The following ACOT9 variants were observed in gnomAD, a reference collection of about 807,000 sequenced individuals.
ACOT9 encodes acyl-coenzyme A thioesterase 9, mitochondrial.
In ACOT9, 34 loss-of-function variants were observed where a neutral mutation model predicts 39.7. The ratio of observed to expected loss-of-function variants is 0.86; its 90% CI spans 0.65 to 1.14. ACOT9 has a LOEUF of 1.14. ACOT9 is among the 50% of genes most tolerant of loss of function. The probability of loss-of-function intolerance (pLI) is 0.00; values close to 1 mark genes in which losing one functional copy is unlikely to be tolerated. For synonymous variants in ACOT9, 110 were observed against 120.5 expected, an observed-to-expected ratio of 0.91 and a Z score of 0.57; for missense variants, 313 against 344.1, an observed-to-expected ratio of 0.91 and a Z score of 0.71.
chrX:23,725,567 C>G (rs1373665811), intron 6 of ACOT9, among the ~76,000 whole-genome samples: 1 of 109,699 alleles, frequency 9.1e-6, no homozygotes, highest in African/African-American at 3.3e-5. Context: ...CCTGTAATCC[C>G]AACACTTTGG....
intron 1 of ACOT9, among the ~76,000 whole-genome samples, chrX:23,738,242 G>C (rs546599203): frequency 6.4e-5 from 7 of 109,893 alleles, no homozygotes; most frequent in African/African-American, 2.3e-4. Context: ...TCATTATTTT[G>C]TTTTATGTAT....
intron 1 of ACOT9, among the ~76,000 whole-genome samples, chrX:23,742,375 G>A (rs1210827594): frequency 9.0e-6 from 1 of 110,499 alleles, no homozygotes; most frequent in Middle Eastern, 4.2e-3. Context: ...GCAGGTGTGA[G>A]CCCCCTGGGA....
At chrX:23,718,861 G>A (rs191347845) in intron 8 of ACOT9, among the ~76,000 whole-genome samples, 97 of 85,682 alleles carry the variant, frequency 1.1e-3, no homozygotes, top group South Asian at 0.011. Context: ...AGCCGAGATC[G>A]CACCACTGCA....
intron 9 of ACOT9, among the ~76,000 whole-genome samples, chrX:23,712,048 G>A (rs1209041001): frequency 2.7e-5 from 3 of 111,425 alleles, no homozygotes; most frequent in Admixed American, 9.7e-5. Context: ...CTCTCAACGA[G>A]TGAATAAGAA....
chrX:23,726,712 G>A (rs888446395), intron 6 of ACOT9, among the ~76,000 whole-genome samples: 1 of 108,737 alleles, frequency 9.2e-6, no homozygotes, highest in African/African-American at 3.4e-5. Flanking sequence ...TGTCACCCAG[G>A]CTGGAATGCA....
intron 2 of ACOT9, among the ~76,000 whole-genome samples, chrX:23,734,767 CAT>C: frequency 9.1e-6 from 1 of 109,833 alleles, no homozygotes; most frequent in South Asian, 3.8e-4. Context: ...GTGGGTGAAT[CAT>C]GAGGTCAGGA....
chrX:23,707,944 C>T lies in ACOT9; in HGVS notation c.663G>A (p.Gly221=), dbSNP rs1006186011. The change falls in exon 10 of 16, where the codon GGG becomes GGA. Residue 221 remains glycine, a splice_region_variant and synonymous_variant. Transcript: ENST00000379303. ...GGATGAGTGGATTTACAAATGCCGG[C>T]CTAAAAAGAAGAAAAAAAAGAATAT... is the stretch of plus-strand genomic sequence containing the variant. ...VMVARDSENK[G]PAFVNPLIPE... 2 of 1,194,278 alleles carry T rather than the reference C, an allele frequency of 1.7e-6. No individual in the cohort carries two copies. Among genetic ancestry groups the T allele is most frequent in the Admixed American group, 2.2e-5 (1 of 44,525 alleles).
chrX:23,702,071 T>TCA lies in ACOT9; in HGVS notation c.*1821_*1822dup, dbSNP rs10694335. On this transcript the variant is annotated 3_prime_UTR_variant, in exon 16 of 16. Coordinates refer to ENST00000379303, the MANE Select transcript of ACOT9 (RefSeq NM_001037171.2). ...TGGAGCGACAGAGTGAAACTCTGTC[T>TCA]CACACACACACACACACACAAAAAT... 0.039 allele frequency among the ~76,000 whole-genome samples: 4,086 copies of TCA among 105,299 alleles called. 180 individuals are homozygous for TCA. Among genetic ancestry groups the TCA allele is most frequent in the African/African-American group, 0.12 (3,394 of 28,835 alleles). 91.4% of individuals were successfully genotyped at this position (105,299 alleles called of 115,157 possible).
At chrX:23,706,566 A>AGAAG (rs1928695199) in intron 11 of ACOT9, 62 bp downstream of exon 11, 1 of 576,787 alleles carries the variant, frequency 1.7e-6, no homozygotes, top group African/African-American at 2.6e-5. Context: ...CTCAAAAAAA[A>AGAAG]AAAAAAAAAA....
intron 6 of ACOT9, among the ~76,000 whole-genome samples, chrX:23,723,390 C>T (rs1238544588): frequency 1.8e-5 from 2 of 110,222 alleles, no homozygotes; most frequent in African/African-American, 3.3e-5. Flanking sequence ...CCAAGGCAGG[C>T]GGATCACGAG....
intron 6 of ACOT9, among the ~76,000 whole-genome samples, chrX:23,728,624 A>G (rs774255514): frequency 4.5e-5 from 5 of 111,504 alleles, no homozygotes; most frequent in Non-Finnish European, 9.4e-5. Flanking sequence ...AATAACATAT[A>G]TGTACGTATA....
chrX:23,723,995 G>A lies in ACOT9; in HGVS notation c.401-1242C>T, dbSNP rs1929415204. Among the ~76,000 whole-genome samples the A allele has an allele frequency of 2.7e-5, 3 of 112,248 alleles. No individual in the cohort carries two copies. In the South Asian group the frequency reaches 1.1e-3, roughly 41 times the overall value. ...AAGAGAAGAGAGACTGGGCACAGTGGCTCATGCCTGTAATCCCAACACTTT... is the reference window on the plus strand; with the variant it reads ...AAGAGAAGAGAGACTGGGCACAGTGACTCATGCCTGTAATCCCAACACTTT... On this transcript the variant is annotated intron_variant, in intron 6 of 15. Coordinates refer to ENST00000379303, the MANE Select transcript of ACOT9 (RefSeq NM_001037171.2).
At chrX:23,741,832 T>C (rs1920968007) in intron 1 of ACOT9, among the ~76,000 whole-genome samples, 1 of 110,423 alleles carries the variant, frequency 9.1e-6, no homozygotes, top group Non-Finnish European at 1.9e-5. Flanking sequence ...GCACCACCAC[T>C]CCCGGCTAAT....
intron 8 of ACOT9, among the ~76,000 whole-genome samples, chrX:23,721,011 G>A (rs1929298146): frequency 1.8e-5 from 2 of 111,596 alleles, no homozygotes; most frequent in Admixed American, 9.6e-5. Context: ...GCTAAGGTGG[G>A]AGGACCACAT....
rs767061728 is a variant in ACOT9, at chrX:23,736,124, T to C, written c.21-108A>G. On this transcript the variant is annotated intron_variant, in intron 1 of 15. Coordinates refer to ENST00000379303, the MANE Select transcript of ACOT9 (RefSeq NM_001037171.2). ...CTGGCCATATCACCCTTAGTATATATTGTCTTGTAGGAGTCTGTAGCTGTT... is the reference window on the plus strand; with the variant it reads ...CTGGCCATATCACCCTTAGTATATACTGTCTTGTAGGAGTCTGTAGCTGTT... The C allele has an allele frequency of 2.1e-4, 118 of 552,390 alleles. No individual in the cohort carries two copies. In the African/African-American group the frequency reaches 2.5e-3, roughly 12 times the overall value. The allele number at this position is 552,390 out of a possible 1,213,427, so 45.5% of individuals were successfully genotyped here.
chrX:23,705,732 G>T, intron 12 of ACOT9, 36 bp downstream of exon 12: 1 of 1,154,293 alleles, frequency 8.7e-7, no homozygotes. Context: ...ATGAACGGAA[G>T]CTATCCTATT....
chrX:23,720,627 G>C (rs1264848598), intron 8 of ACOT9, among the ~76,000 whole-genome samples: 2 of 111,621 alleles, frequency 1.8e-5, no homozygotes, highest in East Asian at 5.6e-4. Context: ...AGACAAGGAA[G>C]GCTTCTCTCT....
At chrX:23,722,632 A>C in intron 7 of ACOT9, 38 bp downstream of exon 7, 1 of 918,557 alleles carries the variant, frequency 1.1e-6, no homozygotes, top group Non-Finnish European at 1.5e-6. Context: ...TGAAATTACT[A>C]AGAATTCTAA....
chrX:23,705,469 T>C (rs751992925), intron 13 of ACOT9, 40 bp downstream of exon 13: 5 of 1,067,531 alleles, frequency 4.7e-6, no homozygotes, highest in Non-Finnish European at 6.5e-6. Flanking sequence ...GTGATATAAA[T>C]TGCTTCTCAG....
Sources: gnomAD v4.1 joint callset for allele counts (sites outside exome capture counted in the v4.1 genomes callset) on GRCh38, gnomAD v4.1.1 for gene constraint, MANE v1.5 for transcripts, NCBI Gene and HGNC (gene_info 2026-07-23, HGNC 2026-07-21) for gene names.